NPLOC4: variants seen among roughly 807,000 people sequenced by gnomAD.
The protein encoded by NPLOC4 is NPL4 homolog, ubiquitin recognition factor.
Under a neutral mutation model 80.6 loss-of-function variants are expected in NPLOC4, and 18 were observed. The ratio of observed to expected loss-of-function variants is 0.22; its 90% CI spans 0.15 to 0.33. NPLOC4 has a LOEUF of 0.33. Among genes scored for constraint, NPLOC4 ranks in the 10% least tolerant of loss-of-function variants. The pLI is 1.00. For synonymous variants in NPLOC4, 313 were observed against 301.5 expected, an observed-to-expected ratio of 1.04 and a Z score of -0.39; for missense variants, 540 against 786.1, an observed-to-expected ratio of 0.69 and a Z score of 3.74.
chr17:81,618,524 G>A (rs539056694), intron 3 of NPLOC4, among the ~76,000 whole-genome samples: 6 of 148,072 alleles, frequency 4.1e-5, no homozygotes, highest in South Asian at 4.5e-4. Context: ...CGCCCCGTCC[G>A]GGAGGGAGGT....
At chr17:81,633,841 G>C (rs1157867539) in intron 1 of NPLOC4, among the ~76,000 whole-genome samples, 1 of 151,434 alleles carries the variant, frequency 6.6e-6, no homozygotes, top group Non-Finnish European at 1.5e-5. Context: ...AAGTAGCTGG[G>C]ATTATAGGCG....
intron 1 of NPLOC4, among the ~76,000 whole-genome samples, chr17:81,631,446 T>A (rs796443262): frequency 0.42 from 29,155 of 69,988 alleles, 4,004 homozygotes; most frequent in East Asian, 0.59. Context: ...ATTTTTTTTT[T>A]TTTTTTTTTT....
At chr17:81,571,269 G>A (rs1237429930) in intron 13 of NPLOC4, among the ~76,000 whole-genome samples, 2 of 152,318 alleles carry the variant, frequency 1.3e-5, no homozygotes, top group Middle Eastern at 3.4e-3. Context: ...GAAATGAGCC[G>A]CCTCCCGTCC....
At chr17:81,613,139 A>AC in intron 4 of NPLOC4, 179 bp downstream of exon 4, 1 of 551,540 alleles carries the variant, frequency 1.8e-6, no homozygotes, top group South Asian at 4.4e-5. Flanking sequence ...AAAAAAAAAA[A>AC]CAAAAACCGA....
rs761777816 is a variant in NPLOC4, at chr17:81,559,372, C to T, written c.1714G>A (p.Val572Ile). The T allele has an allele frequency of 9.9e-6, 16 of 1,609,332 alleles. No individual in the cohort carries two copies. The highest frequency in any genetic ancestry group is 1.7e-4 in the Middle Eastern group (1 of 6,028). Residue 572 changes from valine to isoleucine, a missense_variant, in exon 17 of 17, where the codon GTC (valine) becomes ATC (isoleucine). This residue lies in a region of NPLOC4 where 87 missense variants were observed against 70.3 expected (regional missense o/e 1.24). Coordinates refer to ENST00000331134, the MANE Select transcript of NPLOC4 (RefSeq NM_017921.4). ...GTGGCCGTGTGTGTGGAGCCCCCGA[C>T]GGCGCCGTACTCATGGAGACCTGGG... Reference protein sequence around the residue: ...QLPGLHEYGAVGGSTHTATAA... With the variant: ...QLPGLHEYGAIGGSTHTATAA...
intron 16 of NPLOC4, chr17:81,563,858 C>G: frequency 2.2e-6 from 1 of 448,786 alleles, no homozygotes; most frequent in Non-Finnish European, 4.5e-6. Flanking sequence ...AATGCAGGAA[C>G]AGCAAACCAA....
intron 3 of NPLOC4, among the ~76,000 whole-genome samples, chr17:81,618,646 C>T (rs1195115726): frequency 4.6e-5 from 7 of 151,338 alleles, no homozygotes; most frequent in Middle Eastern, 3.4e-3. Flanking sequence ...TCTGCCCGGC[C>T]GCCCCTACTG....
rs1365469994 is a variant in NPLOC4, at chr17:81,565,486, A to T, written c.1669+19T>A. ...GGCCCCAGCCACGGGGTGCCGGGGC[A>T]GGGGGTGGGGGTACTCACTGCACAG... On this transcript the variant is annotated intron_variant, in intron 16 of 16. Transcript: ENST00000331134. 1.5e-5 allele frequency: 23 copies of T among 1,532,458 alleles called. No individual in the cohort carries two copies. The highest frequency in any genetic ancestry group is 2.0e-5 in the Non-Finnish European group (23 of 1,136,992). The allele number at this position is 1,532,458 out of a possible 1,614,324, so 94.9% of individuals were successfully genotyped here. A position where few individuals can be genotyped will look rare whatever the true frequency, so the allele number is the denominator to read the frequency against.
At chr17:81,587,829 C>T (rs988623301) in intron 12 of NPLOC4, among the ~76,000 whole-genome samples, 11 of 150,368 alleles carry the variant, frequency 7.3e-5, no homozygotes, top group Admixed American at 1.3e-4. Flanking sequence ...CTACCACGCC[C>T]GGCTTATTTT....
chr17:81,565,007 A>C, intron 16 of NPLOC4: 3 of 377,646 alleles, frequency 7.9e-6, no homozygotes, highest in East Asian at 6.3e-5. Context: ...CGAGTGGGGA[A>C]TCGTTCAGGA....
chr17:81,622,711 C>T (rs924857736), intron 2 of NPLOC4, among the ~76,000 whole-genome samples: 8 of 151,948 alleles, frequency 5.3e-5, no homozygotes, highest in African/African-American at 9.7e-5. Flanking sequence ...CCACCACACC[C>T]GGCTGATTTT....
rs184774985 is a variant in NPLOC4, at chr17:81,583,553, G to A, written c.1281+5391C>T. ...ACCTGGCTGCCCCAGAGATGAGTGA[G>A]GCTGGCTGGCCCTAGTCCCTCGGGA... On this transcript the variant is annotated intron_variant, in intron 12 of 16. Coordinates refer to ENST00000331134, the MANE Select transcript of NPLOC4 (RefSeq NM_017921.4). Among the ~76,000 whole-genome samples the A allele has an allele frequency of 4.9e-3, 739 of 152,300 alleles. 2 individuals carry two copies. Among genetic ancestry groups the A allele is most frequent in the Admixed American group, 9.3e-3 (142 of 15,296 alleles).
chr17:81,611,298 A>G (rs1268474487), intron 4 of NPLOC4, among the ~76,000 whole-genome samples: 1 of 151,998 alleles, frequency 6.6e-6, no homozygotes, highest in Non-Finnish European at 1.5e-5. Flanking sequence ...CCAGCCTGGG[A>G]GACGAGAGTG....
chr17:81,593,422 C>T (rs2034804284), intron 11 of NPLOC4, among the ~76,000 whole-genome samples: 1 of 152,130 alleles, frequency 6.6e-6, no homozygotes, highest in African/African-American at 2.4e-5. Context: ...AGCACTGACA[C>T]ACCTAAACGT....
chr17:81,592,646 A>G (rs568651540), intron 11 of NPLOC4, among the ~76,000 whole-genome samples: 1 of 152,326 alleles, frequency 6.6e-6, no homozygotes, highest in African/African-American at 2.4e-5. Flanking sequence ...TGTAATTCTA[A>G]AAATGTGCCA....
chr17:81,573,282 G>T (rs1232266018), intron 12 of NPLOC4, among the ~76,000 whole-genome samples: 1 of 152,106 alleles, frequency 6.6e-6, no homozygotes, highest in Non-Finnish European at 1.5e-5. Context: ...CGAAATGATT[G>T]CCAAGCAAAT....
intron 11 of NPLOC4, among the ~76,000 whole-genome samples, chr17:81,593,098 G>A (rs1192145755): frequency 6.6e-6 from 1 of 152,184 alleles, no homozygotes; most frequent in African/African-American, 2.4e-5. Context: ...CTGAATGCCC[G>A]CTACACACTT....
Position 81,572,129 on chromosome 17 carries a change from C to A in NPLOC4, c.1282-41G>T. 1.5e-6 allele frequency: 2 copies of A among 1,362,402 alleles called. No individual in the cohort carries two copies. The highest frequency in any genetic ancestry group is 2.0e-6 in the Non-Finnish European group (2 of 975,784). The allele number at this position is 1,362,402 out of a possible 1,614,324, so 84.4% of individuals were successfully genotyped here. A position where few individuals can be genotyped will look rare whatever the true frequency, so the allele number is the denominator to read the frequency against. ...GGGAACAGCGGTGAGCAAAGACGAT[C>A]AGTAGTAATGATTTTCCTTTCACAT... is the stretch of plus-strand genomic sequence containing the variant. On this transcript the variant is annotated intron_variant, in intron 12 of 16. Transcript: ENST00000331134. This position sits in a 1 kb window ranked among gnomAD's most constrained non-coding sequence, Gnocchi z 4.5.
chr17:81,560,219 A>G (rs1314058759), intron 16 of NPLOC4, among the ~76,000 whole-genome samples: 2 of 143,062 alleles, frequency 1.4e-5, no homozygotes, highest in Non-Finnish European at 3.0e-5. Flanking sequence ...GGAGTTTGAG[A>G]CCAGCCTGGC....
Sources: gnomAD v4.1 joint callset for allele counts (sites outside exome capture counted in the v4.1 genomes callset) on GRCh38, gnomAD v4.1.1 for gene constraint, gnomAD v4.1.1 regional missense constraint, Gnocchi (gnomAD v3.1) non-coding constraint, MANE v1.5 for transcripts, NCBI Gene and HGNC (gene_info 2026-07-23, HGNC 2026-07-21) for gene names.